RAPGEF5: variants seen among roughly 807,000 people sequenced by gnomAD.
RAPGEF5 encodes the protein Rap guanine nucleotide exchange factor 5, also known as M-Ras-regulated GEF.
Under a neutral mutation model 125.2 loss-of-function variants are expected in RAPGEF5, and 65 were observed. The ratio of observed to expected loss-of-function variants is 0.52; its 90% confidence interval spans 0.43 to 0.64. The LOEUF (loss-of-function observed/expected upper bound fraction) is 0.64, where lower values mean the gene tolerates loss of function less well. RAPGEF5 is among the 30% of genes least tolerant of loss of function. RAPGEF5 has a pLI of 0.00. For missense variants in RAPGEF5, 958 were observed against 1,048.1 expected (o/e 0.91, Z 1.19); for synonymous variants, 391 against 385.9 (o/e 1.01, Z -0.16).
intron 21 of RAPGEF5, among the ~76,000 whole-genome samples, chr7:22,138,436 T>C (rs1040471194): frequency 6.6e-6 from 1 of 152,242 alleles, no homozygotes; most frequent in Non-Finnish European, 1.5e-5. Context: ...TGCTGACCTC[T>C]GATCTGTTTC....
At chr7:22,266,602 G>C (rs1041540797) in intron 7 of RAPGEF5, among the ~76,000 whole-genome samples, 2 of 152,006 alleles carry the variant, frequency 1.3e-5, no homozygotes, top group Admixed American at 6.6e-5. Flanking sequence ...CACCTCTATA[G>C]TACCCATTGT....
chr7:22,184,606 T>C (rs1277067456), intron 11 of RAPGEF5, among the ~76,000 whole-genome samples: 5 of 152,200 alleles, frequency 3.3e-5, no homozygotes, highest in Non-Finnish European at 7.4e-5. Context: ...CCTTTGCCCA[T>C]TGGTTGTGTT....
At chr7:22,190,394 A>G (rs1756035882) in intron 11 of RAPGEF5, among the ~76,000 whole-genome samples, 1 of 152,234 alleles carries the variant, frequency 6.6e-6, no homozygotes, top group Admixed American at 6.5e-5. Context: ...TTATGAAAAT[A>G]GTATACATAG....
chr7:22,350,442 CAT>C (rs1784309708), intron 1 of RAPGEF5, among the ~76,000 whole-genome samples: 2 of 152,320 alleles, frequency 1.3e-5, no homozygotes, highest in Admixed American at 1.3e-4. Flanking sequence ...AGTCCTTTTG[CAT>C]AGAGTAAGCA....
At chr7:22,271,383 G>A (rs1782422577) in intron 6 of RAPGEF5, among the ~76,000 whole-genome samples, 1 of 152,132 alleles carries the variant, frequency 6.6e-6, no homozygotes. Context: ...TTTTTAGTCT[G>A]TACTTTGTCC....
chr7:22,326,647 A>C (rs1783819445), intron 1 of RAPGEF5, among the ~76,000 whole-genome samples: 1 of 152,220 alleles, frequency 6.6e-6, no homozygotes, highest in South Asian at 2.1e-4. Context: ...ATTTCCTCCC[A>C]AACTATTTAA....
At chr7:22,321,846 G>T (rs1438381154) in intron 1 of RAPGEF5, among the ~76,000 whole-genome samples, 2 of 152,194 alleles carry the variant, frequency 1.3e-5, no homozygotes, top group Non-Finnish European at 2.9e-5. Context: ...TAAAGGCTAT[G>T]ATCTATTAAG....
At chr7:22,183,939 C>T (rs551815083) in intron 11 of RAPGEF5, among the ~76,000 whole-genome samples, 2 of 152,224 alleles carry the variant, frequency 1.3e-5, no homozygotes, top group East Asian at 1.9e-4. Flanking sequence ...ATTCTTTCCC[C>T]CTCATGTACT....
intron 8 of RAPGEF5, among the ~76,000 whole-genome samples, chr7:22,224,674 T>G (rs2128133477): frequency 2.0e-5 from 3 of 152,142 alleles, no homozygotes; most frequent in Middle Eastern, 6.8e-3. Flanking sequence ...GGGACACATA[T>G]GAGAGTACTG....
At chr7:22,319,345 T>C (rs1236794006) in intron 1 of RAPGEF5, among the ~76,000 whole-genome samples, 1 of 152,190 alleles carries the variant, frequency 6.6e-6, no homozygotes, top group Admixed American at 6.5e-5. Flanking sequence ...CATCTGAACC[T>C]TCTACTAAAC....
chr7:22,280,695 A>C (rs1050323834), intron 6 of RAPGEF5, among the ~76,000 whole-genome samples: 1 of 152,118 alleles, frequency 6.6e-6, no homozygotes, highest in African/African-American at 2.4e-5. Context: ...TGGTTTTATA[A>C]TGAGACTGGA....
Position 22,320,958 on chromosome 7 carries a change from C to T in RAPGEF5, c.232-2921G>A, listed in dbSNP as rs940496008. 2.6e-5 allele frequency among the ~76,000 whole-genome samples: 4 copies of T among 152,204 alleles called. No homozygotes were observed. In the South Asian group the frequency reaches 6.2e-4, roughly 24 times the overall value. On this transcript the variant is annotated intron_variant, in intron 1 of 25. Coordinates refer to ENST00000665637, the MANE Select transcript of RAPGEF5 (RefSeq NM_012294.5). Reference sequence around the variant, plus strand: ...GTATCCTCTCTTAAATGGCTCCCACCGTAATCTCTCATAAATATAATGCCC... The same window carrying T: ...GTATCCTCTCTTAAATGGCTCCCACTGTAATCTCTCATAAATATAATGCCC...
At position 22,268,416 on chromosome 7, in the gene RAPGEF5, G is replaced by C. The variant is rs138517214; in HGVS notation, c.748-1404C>G. On this transcript the variant is annotated intron_variant, in intron 6 of 25. Transcript: ENST00000665637. ...CCACAAGAAAACCTTCGTAAGTACT[G>C]GTATGCATACTCAAATAAATTTAAA... is the stretch of plus-strand genomic sequence containing the variant. Among the ~76,000 whole-genome samples, 735 of 152,100 alleles carry C rather than the reference G, an allele frequency of 4.8e-3. 5 individuals carry two copies. The highest frequency in any genetic ancestry group is 5.9e-3 in the Non-Finnish European group (398 of 68,002).
chr7:22,204,042 T>A (rs1052211881), intron 9 of RAPGEF5, among the ~76,000 whole-genome samples: 2 of 152,224 alleles, frequency 1.3e-5, no homozygotes, highest in African/African-American at 4.8e-5. Flanking sequence ...ACATTCTGGT[T>A]GCAGATATAT....
At chr7:22,284,513 C>G (rs1038929110) in intron 6 of RAPGEF5, among the ~76,000 whole-genome samples, 3 of 152,176 alleles carry the variant, frequency 2.0e-5, no homozygotes, top group Admixed American at 6.5e-5. Context: ...CACTTTCCCT[C>G]AAAACTCAAT....
At chr7:22,280,944 T>C (rs553364059) in intron 6 of RAPGEF5, among the ~76,000 whole-genome samples, 1 of 152,318 alleles carries the variant, frequency 6.6e-6, no homozygotes, top group African/African-American at 2.4e-5. Flanking sequence ...ATTCAAAATT[T>C]AGTGAAGAAG....
At chr7:22,185,942 C>A (rs1201665717) in intron 11 of RAPGEF5, among the ~76,000 whole-genome samples, 1 of 152,102 alleles carries the variant, frequency 6.6e-6, no homozygotes, top group Non-Finnish European at 1.5e-5. Context: ...GAAACCTCCC[C>A]CTCTAGCATT....
intron 1 of RAPGEF5, among the ~76,000 whole-genome samples, chr7:22,340,024 A>G (rs1784096334): frequency 6.6e-6 from 1 of 152,178 alleles, no homozygotes; most frequent in South Asian, 2.1e-4. Flanking sequence ...AAAAATTAAT[A>G]GATTGGGTGG....
chr7:22,222,323 T>C (rs1785812134), intron 8 of RAPGEF5, among the ~76,000 whole-genome samples: 1 of 151,972 alleles, frequency 6.6e-6, no homozygotes, highest in Non-Finnish European at 1.5e-5. Flanking sequence ...AGAGTGGTAA[T>C]ATATGACAGA....
Sources: gnomAD v4.1 joint callset for allele counts (sites outside exome capture counted in the v4.1 genomes callset) on GRCh38, gnomAD v4.1.1 for gene constraint, MANE v1.5 for transcripts, NCBI Gene and HGNC (gene_info 2026-07-23, HGNC 2026-07-21) for gene names.